LGMN: variants seen among roughly 807,000 people sequenced by gnomAD.
LGMN encodes asparaginyl endopeptidase.
LGMN carries 36 observed loss-of-function variants against 56.8 expected under a neutral mutation model. The observed-to-expected ratio is 0.63, with a 90% CI of 0.49 to 0.84. LGMN has a LOEUF of 0.84. LGMN is among the 40% of genes least tolerant of loss of function. The pLI is 0.00. For synonymous variants in LGMN, 199 were observed against 210.1 expected (o/e 0.95, Z 0.46); for missense variants, 446 against 556.1 (o/e 0.80, Z 1.99).
At chr14:92,719,251 A>ACTG (rs1890278870) in intron 2 of LGMN, among the ~76,000 whole-genome samples, 3 of 50,260 alleles carry the variant, frequency 6.0e-5, no homozygotes, top group African/African-American at 3.8e-4. Flanking sequence ...CACCGCCACC[A>ACTG]CCACCACCGC....
chr14:92,732,715 T>C lies in LGMN; in HGVS notation c.72A>G (p.Glu24=), dbSNP rs1333135910. The change falls in exon 2 of 14, where the codon GAA becomes GAG. Residue 24 remains glutamate, a synonymous_variant. Coordinates refer to ENST00000334869, the MANE Select transcript of LGMN (RefSeq NM_005606.7). ...TCACCACCCAGTGCTTGCCTCCATC[T>C]TCAGGATCATCTATAGGAACGGCAC... ...GIGAVPIDDP[E]DGGKHWVVIV... 2 of 1,614,192 alleles carry C rather than the reference T, an allele frequency of 1.2e-6. No homozygotes were observed. The highest frequency in any genetic ancestry group is 1.7e-6 in the Non-Finnish European group (2 of 1,180,032).
At chr14:92,747,536 C>A (rs774050296) in intron 1 of LGMN, among the ~76,000 whole-genome samples, 11 of 152,136 alleles carry the variant, frequency 7.2e-5, no homozygotes, top group South Asian at 2.1e-4. Flanking sequence ...AAACTCCACT[C>A]AAGCCTCCCC....
In LGMN at chr14:92,712,857, A is replaced by C. The variant is rs778587345; in HGVS notation, c.558T>G (p.Ile186Met). The C allele has an allele frequency of 1.2e-6, 2 of 1,613,940 alleles. No homozygotes were observed. The highest frequency in any genetic ancestry group is 1.7e-6 in the Non-Finnish European group (2 of 1,179,954). Residue 186 changes from isoleucine to methionine, a missense_variant, in exon 8 of 14, where the codon ATT (isoleucine) becomes ATG (methionine). Ile to Met is a conservative substitution (Grantham distance 10). Coordinates refer to ENST00000334869, the MANE Select transcript of LGMN (RefSeq NM_005606.7). ...HKMYRKMVFYIEACESGSMMN... is the reference protein window; with the variant it reads ...HKMYRKMVFYMEACESGSMMN... ...TCATGGACCCAGACTCACAGGCTTC[A>C]ATGTAGAACACCATCTGTGAGGCAG...
chr14:92,728,028 A>G (rs906366039), intron 2 of LGMN, among the ~76,000 whole-genome samples: 11 of 152,220 alleles, frequency 7.2e-5, no homozygotes, highest in African/African-American at 2.7e-4. Context: ...AGCAGTTGTG[A>G]TTGCTTAAAG....
intron 4 of LGMN, 110 bp from the exon 5 acceptor site, chr14:92,716,331 G>T: frequency 2.5e-6 from 2 of 807,236 alleles, no homozygotes; most frequent in South Asian, 1.4e-5. Context: ...AAGGCTCATG[G>T]CTTAACAGCA....
chr14:92,717,502 C>T lies in LGMN; in HGVS notation c.237-41G>A, dbSNP rs542861225. On this transcript the variant is annotated intron_variant, in intron 3 of 13. Coordinates refer to ENST00000334869, the MANE Select transcript of LGMN (RefSeq NM_005606.7). ...CACAATTTAAACGAGATGTGGCATG[C>T]CTCCGAAATCTCTCTCTTCAAACAC... 2.2e-6 allele frequency: 3 copies of T among 1,383,758 alleles called. No homozygotes were observed. The South Asian group carries it at 3.5e-5, about 16-fold the overall frequency. 85.7% of individuals were successfully genotyped at this position (1,383,758 alleles called of 1,614,324 possible).
chr14:92,732,482 T>C (rs1179751913), intron 2 of LGMN, 167 bp downstream of exon 2: 1 of 711,292 alleles, frequency 1.4e-6, no homozygotes, highest in Non-Finnish European at 2.3e-6. Context: ...TGGCAACATA[T>C]GAGGGTTCTG....
chr14:92,729,199 C>T (rs1183408161), intron 2 of LGMN, among the ~76,000 whole-genome samples: 4 of 150,148 alleles, frequency 2.7e-5, no homozygotes, highest in Non-Finnish European at 5.9e-5. Context: ...CACCTCTGCC[C>T]ATCCTGGCCC....
intron 2 of LGMN, among the ~76,000 whole-genome samples, chr14:92,726,062 C>T (rs961479455): frequency 7.3e-5 from 11 of 151,444 alleles, no homozygotes; most frequent in African/African-American, 2.7e-4. Flanking sequence ...CATGGTAAAA[C>T]CCTGTCTCTA....
chr14:92,720,438 C>T (rs557432496), intron 2 of LGMN, among the ~76,000 whole-genome samples: 4 of 152,256 alleles, frequency 2.6e-5, no homozygotes, highest in East Asian at 3.9e-4. Context: ...GAGGCTGAGG[C>T]GGGCGGATCA....
chr14:92,737,452 C>T (rs1891357631), intron 1 of LGMN, among the ~76,000 whole-genome samples: 1 of 152,222 alleles, frequency 6.6e-6, no homozygotes, highest in Non-Finnish European at 1.5e-5. Flanking sequence ...ATGCCTGCTA[C>T]TCCCTCCCAC....
chr14:92,720,539 T>C (rs758181924), intron 2 of LGMN, among the ~76,000 whole-genome samples: 24 of 152,210 alleles, frequency 1.6e-4, no homozygotes, highest in Non-Finnish European at 2.6e-4. Context: ...TGGTGGTGCA[T>C]GCGTGTAATC....
chr14:92,743,460 C>T (rs1291119810), intron 1 of LGMN, among the ~76,000 whole-genome samples: 2 of 147,994 alleles, frequency 1.4e-5, no homozygotes, highest in African/African-American at 5.0e-5. Context: ...CCAGGATTGC[C>T]CCACTGCACT....
intron 1 of LGMN, among the ~76,000 whole-genome samples, chr14:92,735,214 T>C (rs1035437149): frequency 5.3e-5 from 8 of 152,104 alleles, no homozygotes; most frequent in African/African-American, 1.9e-4. Flanking sequence ...TGAGACTGCA[T>C]TTCTTTTTTT....
intron 1 of LGMN, among the ~76,000 whole-genome samples, chr14:92,744,135 A>G (rs1201346538): frequency 6.6e-6 from 1 of 151,984 alleles, no homozygotes; most frequent in Non-Finnish European, 1.5e-5. Flanking sequence ...GCCTGGTGAC[A>G]GGGTAAGCTC....
intron 1 of LGMN, among the ~76,000 whole-genome samples, chr14:92,738,775 C>T (rs1329260401): frequency 6.6e-6 from 1 of 151,452 alleles, no homozygotes; most frequent in Admixed American, 6.6e-5. Flanking sequence ...AATCCCAGCA[C>T]TTTGGGAGGC....
intron 2 of LGMN, among the ~76,000 whole-genome samples, chr14:92,727,805 GT>G (rs1890815024): frequency 6.6e-6 from 1 of 152,124 alleles, no homozygotes; most frequent in South Asian, 2.1e-4. Flanking sequence ...TCAGGTATTT[GT>G]ACACCTACCC....
Position 92,703,982 on chromosome 14 carries a change from GA to G in LGMN, c.*336del. ...AAGAGGTTTCAGCTTCAAATTCTCA[GA>G]ATAAAGACTCCTTTTGAGAGGGGCT... On this transcript the variant is annotated 3_prime_UTR_variant, in exon 14 of 14. Coordinates refer to ENST00000334869, the MANE Select transcript of LGMN (RefSeq NM_005606.7). 1 of 619,710 alleles carries G rather than the reference GA, an allele frequency of 1.6e-6. No individual in the cohort carries two copies. The highest frequency in any genetic ancestry group is 2.8e-6 in the Non-Finnish European group (1 of 350,914). The allele number at this position is 619,710 out of a possible 1,614,324, so 38.4% of individuals were successfully genotyped here.
At position 92,712,854 on chromosome 14, in the gene LGMN, T is replaced by G. The variant is rs1474121348; in HGVS notation, c.561A>C (p.Glu187Asp). The change falls in exon 8 of 14, where the codon GAA (glutamate) becomes GAC (aspartate). Residue 187 changes from glutamate to aspartate, a missense_variant. Physicochemically the swap from Glu to Asp is conservative, Grantham distance 45 (BLOSUM62 2). Coordinates refer to ENST00000334869, the MANE Select transcript of LGMN (RefSeq NM_005606.7). ...TCATCATGGACCCAGACTCACAGGC[T>G]TCAATGTAGAACACCATCTGTGAGG... ...KMYRKMVFYIEACESGSMMNH... is the reference protein window; with the variant it reads ...KMYRKMVFYIDACESGSMMNH... The G allele has an allele frequency of 6.2e-7, 1 of 1,613,846 alleles. No homozygotes were observed. The highest frequency in any genetic ancestry group is 8.5e-7 in the Non-Finnish European group (1 of 1,179,960).
Sources: gnomAD v4.1 joint callset for allele counts (sites outside exome capture counted in the v4.1 genomes callset) on GRCh38, gnomAD v4.1.1 for gene constraint, MANE v1.5 for transcripts, NCBI Gene and HGNC (gene_info 2026-07-23, HGNC 2026-07-21) for gene names.